RYR2: variants seen among roughly 807,000 people sequenced by gnomAD.
RYR2 encodes the protein ryanodine receptor 2, also known as cardiac muscle ryanodine receptor-calcium release channel.
Under a neutral mutation model 601.1 loss-of-function variants are expected in RYR2, and 227 were observed. The observed-to-expected ratio is 0.38, with a 90% CI of 0.34 to 0.42. RYR2 has a LOEUF of 0.42. Among genes scored for constraint, RYR2 ranks in the 10% least tolerant of loss-of-function variants. The probability of loss-of-function intolerance (pLI) is 1.00; values close to 1 mark genes in which losing one functional copy is unlikely to be tolerated. For synonymous variants in RYR2, 2,223 were observed against 2,175.1 expected (o/e 1.02, Z -0.61); for missense variants, 4,646 against 6,156.5 (o/e 0.75, Z 8.21).
intron 10 of RYR2, among the ~76,000 whole-genome samples, chr1:237,393,126 C>G (rs150670983): frequency 6.6e-6 from 1 of 151,962 alleles, no homozygotes; most frequent in Non-Finnish European, 1.5e-5. Flanking sequence ...GGTGGTATGA[C>G]GGAGAGGTGG....
chr1:237,170,427 G>A (rs766410151), intron 1 of RYR2, among the ~76,000 whole-genome samples: 2 of 152,178 alleles, frequency 1.3e-5, no homozygotes, highest in African/African-American at 2.4e-5. Flanking sequence ...GGACTTGAAC[G>A]ATGATAACAC....
chr1:237,727,614 C>T (rs1005007110), intron 76 of RYR2, among the ~76,000 whole-genome samples: 1 of 152,010 alleles, frequency 6.6e-6, no homozygotes, highest in African/African-American at 2.4e-5. Flanking sequence ...ATGGGATCAG[C>T]CTTATAGAGT....
chr1:237,350,602 AATATATATATAT>A (rs1177777241), intron 3 of RYR2, among the ~76,000 whole-genome samples: 11 of 37,006 alleles, frequency 3.0e-4, no homozygotes, highest in African/African-American at 5.1e-4. Context: ...AAAAAAAAAA[AATATATATATAT>A]ATATATATAT....
chr1:237,222,586 A>T (rs961547270), intron 1 of RYR2, among the ~76,000 whole-genome samples: 1 of 151,984 alleles, frequency 6.6e-6, no homozygotes, highest in African/African-American at 2.4e-5. Context: ...TATATTTTTG[A>T]TAGTACGCTG....
chr1:237,190,350 C>G (rs896941766), intron 1 of RYR2, among the ~76,000 whole-genome samples: 1 of 152,148 alleles, frequency 6.6e-6, no homozygotes, highest in East Asian at 1.9e-4. Context: ...TTGCATTTCT[C>G]TTATTGAGGT....
intron 35 of RYR2, among the ~76,000 whole-genome samples, chr1:237,607,744 G>T (rs866579500): frequency 6.6e-6 from 1 of 152,130 alleles, no homozygotes; most frequent in Non-Finnish European, 1.5e-5. Context: ...CAGGAAAAAA[G>T]GTTGAACTTA....
intron 63 of RYR2, among the ~76,000 whole-genome samples, chr1:237,689,299 G>T (rs1261631639): frequency 2.0e-5 from 3 of 152,076 alleles, no homozygotes; most frequent in African/African-American, 7.2e-5. Context: ...ACAACTTGAT[G>T]AAAATGTATA....
chr1:237,503,466 G>C lies in RYR2; in HGVS notation c.2574G>C (p.Thr858=), dbSNP rs367992907. The change falls in exon 22 of 105, where the codon ACG becomes ACC. Residue 858 remains threonine (T), a synonymous_variant. Transcript: ENST00000366574. ...TGCTGGGCCCCACAGTTTCCCTGAC[G>C]CAAGCTGCCTTCACACCCATCCCTG... ...RDLLGPTVSL[T]QAAFTPIPVD... 5.6e-6 allele frequency: 9 copies of C among 1,613,740 alleles called. No individual in the cohort carries two copies. The East Asian group carries it at 8.9e-5, about 16-fold the overall frequency.
chr1:237,675,012 C>A (rs1685275048), intron 60 of RYR2, among the ~76,000 whole-genome samples, 166 bp downstream of exon 60: 1 of 152,078 alleles, frequency 6.6e-6, no homozygotes, highest in Admixed American at 6.6e-5. Context: ...TGAACAAGTT[C>A]TTGGGGAGTG....
intron 10 of RYR2, among the ~76,000 whole-genome samples, chr1:237,408,661 A>G (rs1704146869): frequency 6.6e-6 from 1 of 151,942 alleles, no homozygotes; most frequent in Non-Finnish European, 1.5e-5. Flanking sequence ...TGGCTCTTCT[A>G]TGTCTTTCAC....
chr1:237,377,247 T>G (rs1322798269), intron 7 of RYR2, 76 bp from the exon 8 acceptor site: 2 of 1,022,452 alleles, frequency 2.0e-6, no homozygotes, highest in African/African-American at 3.2e-5. Context: ...AGTTGTGTGT[T>G]GGGAATCATT....
chr1:237,245,369 A>G (rs542722485), intron 1 of RYR2, among the ~76,000 whole-genome samples: 8 of 152,270 alleles, frequency 5.3e-5, no homozygotes, highest in South Asian at 2.1e-4. Flanking sequence ...GACCATTTCT[A>G]TGTAGGCTTC....
chr1:237,823,233 T>C (rs993966965), intron 101 of RYR2, among the ~76,000 whole-genome samples: 17 of 152,220 alleles, frequency 1.1e-4, no homozygotes, highest in Non-Finnish European at 2.2e-4. Flanking sequence ...TATACATTCT[T>C]CTCAGCACCA....
At chr1:237,525,120 C>T (rs1241717954) in intron 24 of RYR2, among the ~76,000 whole-genome samples, 1 of 152,122 alleles carries the variant, frequency 6.6e-6, no homozygotes, top group African/African-American at 2.4e-5. Context: ...TAGCTCCCCT[C>T]CTGCTCTCCT....
chr1:237,469,419 C>A (rs1283546139), intron 17 of RYR2, among the ~76,000 whole-genome samples: 1 of 151,838 alleles, frequency 6.6e-6, no homozygotes, highest in African/African-American at 2.4e-5. Flanking sequence ...TATATTGAGA[C>A]CCCATCTTTA....
chr1:237,398,369 T>C (rs932295416), intron 10 of RYR2, among the ~76,000 whole-genome samples: 4 of 152,166 alleles, frequency 2.6e-5, no homozygotes, highest in African/African-American at 9.7e-5. Flanking sequence ...GCAAACCATA[T>C]CTGATAAAGG....
At position 237,325,388 on chromosome 1, in the gene RYR2, A is replaced by G. The variant is rs189459503; in HGVS notation, c.169-5490A>G. ...ATACATAGCATATGTATACATGTAA[A>G]TGCATAGAAAAAGGACTGCAAATAG... On this transcript the variant is annotated intron_variant, in intron 2 of 104. Coordinates refer to ENST00000366574, the MANE Select transcript of RYR2 (RefSeq NM_001035.3). Among the ~76,000 whole-genome samples, 212 of 152,330 alleles carry G rather than the reference A, an allele frequency of 1.4e-3. 2 individuals carry two copies. The highest frequency in any genetic ancestry group is 2.4e-3 in the Non-Finnish European group (165 of 68,040).
At chr1:237,605,906 T>G (rs35180064) in intron 35 of RYR2, among the ~76,000 whole-genome samples, 7,317 of 150,346 alleles carry the variant, frequency 0.049, 221 homozygotes, top group East Asian at 0.13. Context: ...CACTGCTCAA[T>G]GAAATAAAAG....
At position 237,739,847 on chromosome 1, in the gene RYR2, A is replaced by G. The variant is rs188384569; in HGVS notation, c.11092-2449A>G. ...ACTTCTGTGGCAGAATGAAATTTTC[A>G]GCAGATACTGGCAAGCTGAAGAGCC... is the stretch of plus-strand genomic sequence containing the variant. On this transcript the variant is annotated intron_variant, in intron 79 of 104. Transcript: ENST00000366574. Among the ~76,000 whole-genome samples the G allele has an allele frequency of 3.4e-3, 518 of 152,336 alleles. 5 individuals carry two copies. The highest frequency in any genetic ancestry group is 0.011 in the African/African-American group (477 of 41,582).
Sources: gnomAD v4.1 joint callset for allele counts (sites outside exome capture counted in the v4.1 genomes callset) on GRCh38, gnomAD v4.1.1 for gene constraint, MANE v1.5 for transcripts, NCBI Gene and HGNC (gene_info 2026-07-23, HGNC 2026-07-21) for gene names.